RPS6KA2: variants seen among roughly 807,000 people sequenced by gnomAD.
RPS6KA2 encodes ribosomal protein S6 kinase A2.
A neutral mutation model predicts 91.8 loss-of-function variants in RPS6KA2; 42 were observed. That is an observed-to-expected ratio of 0.46 (90% CI 0.36 to 0.59). The LOEUF is 0.59. RPS6KA2 is among the 20% of genes least tolerant of loss of function. The pLI, the probability that RPS6KA2 is intolerant of heterozygous loss-of-function variation, is 0.00. For missense variants in RPS6KA2, 798 were observed against 978.5 expected, an observed-to-expected ratio of 0.82 and a Z score of 2.46; for synonymous variants, 414 against 393.6, an observed-to-expected ratio of 1.05 and a Z score of -0.61.
chr6:166,468,234 G>A lies in RPS6KA2; in HGVS notation c.972+1607C>T, dbSNP rs150862668. On this transcript the variant is annotated intron_variant, in intron 11 of 20. Transcript: ENST00000265678. ...CTAAATTTTCAGGGAAGCTAAGTAA[G>A]AGACTCCAAAGGGAGGCCTTGGTTT... 9.7e-3 allele frequency among the ~76,000 whole-genome samples: 1,478 copies of A among 152,368 alleles called. 15 individuals are homozygous for A. Among genetic ancestry groups the A allele is most frequent in the Non-Finnish European group, 0.015 (1,050 of 68,040 alleles).
upstream of RPS6KA2, among the ~76,000 whole-genome samples, chr6:166,629,015 G>A (rs931339098): frequency 3.9e-5 from 6 of 152,232 alleles, no homozygotes; most frequent in African/African-American, 1.4e-4. Flanking sequence ...CTGCTGGGAG[G>A]GTAGTAATCT....
intron 17 of RPS6KA2, among the ~76,000 whole-genome samples, chr6:166,420,445 C>T (rs61426732): frequency 0.019 from 2,852 of 152,238 alleles, 88 homozygotes; most frequent in African/African-American, 0.064. Flanking sequence ...TTCTACTGTC[C>T]GTCTGTGTGA....
At chr6:166,461,494 G>C (rs545505517) in intron 11 of RPS6KA2, among the ~76,000 whole-genome samples, 131 of 133,762 alleles carry the variant, frequency 9.8e-4, no homozygotes, top group Admixed American at 1.8e-3. Context: ...GCGAGGGAGA[G>C]AGGTGGAGAG....
intron 2 of RPS6KA2, among the ~76,000 whole-genome samples, chr6:166,535,170 G>A (rs1408374073): frequency 1.3e-5 from 2 of 152,180 alleles, no homozygotes; most frequent in East Asian, 1.9e-4. Context: ...GCAGCTTGGC[G>A]TGCTGCATTG....
At position 166,657,899 on chromosome 6, in the gene RPS6KA2, T is replaced by C. The variant is rs140352422; in HGVS notation, c.124-119115A>G. On this transcript the variant is annotated intron_variant, in intron 2 of 21. Coordinates refer to the RPS6KA2 transcript ENST00000503859. ...GGAGGAATTCACTTTTCTTTCTTTT[T>C]TTGAGACGGAGTCTCACCCTGTCAC... is the stretch of plus-strand genomic sequence containing the variant. 1.1e-3 allele frequency among the ~76,000 whole-genome samples: 172 copies of C among 152,320 alleles called. 1 individual carries two copies. In the Middle Eastern group the frequency reaches 0.02, roughly 18 times the overall value.
intron 3 of RPS6KA2, among the ~76,000 whole-genome samples, chr6:166,520,338 G>C (rs1782810983): frequency 1.3e-5 from 2 of 152,082 alleles, no homozygotes; most frequent in South Asian, 4.1e-4. Context: ...CTGGTTCTTG[G>C]GACTTTGAAT....
intron 5 of RPS6KA2, among the ~76,000 whole-genome samples, chr6:166,507,591 C>A: frequency 6.6e-6 from 1 of 151,000 alleles, no homozygotes; most frequent in Non-Finnish European, 1.5e-5. Context: ...ACACACCCTG[C>A]ATATGCACAC....
intron 1 of RPS6KA2, among the ~76,000 whole-genome samples, chr6:166,587,263 G>A (rs1785207306): frequency 6.6e-6 from 1 of 152,238 alleles, no homozygotes; most frequent in South Asian, 2.1e-4. Context: ...GGCTTGGTTG[G>A]ACACTGGCAT....
rs1044142219 is a variant in RPS6KA2 at position 166,557,258 on chromosome 6, C to T, written c.100-18474G>A. On this transcript the variant is annotated intron_variant, in intron 1 of 20. Transcript: ENST00000265678. This position sits in a 1 kb window ranked among gnomAD's most constrained non-coding sequence, Gnocchi z 4.8. ...TGAGTGCGCAGAGGGTAGCTCCTGC[C>T]GGGGTGAGGACCGTGGGCGCGGAGC... Among the ~76,000 whole-genome samples the T allele has an allele frequency of 2.6e-5, 4 of 152,224 alleles. No individual in the cohort carries two copies. The highest frequency in any genetic ancestry group is 1.9e-4 in the East Asian group (1 of 5,202).
intron 2 of RPS6KA2, among the ~76,000 whole-genome samples, chr6:166,643,212 C>T (rs915091930): frequency 6.6e-6 from 1 of 152,028 alleles, no homozygotes; most frequent in Admixed American, 6.6e-5. Flanking sequence ...AATCCTAGAC[C>T]ATATACAATC....
intron 1 of RPS6KA2, among the ~76,000 whole-genome samples, chr6:166,615,679 G>C (rs1030261441): frequency 6.6e-6 from 1 of 152,218 alleles, no homozygotes; most frequent in East Asian, 1.9e-4. Context: ...CTGGGTGCAG[G>C]TGCTGGAATG....
At chr6:166,583,387 C>T (rs1175334233) in intron 1 of RPS6KA2, among the ~76,000 whole-genome samples, 1 of 152,194 alleles carries the variant, frequency 6.6e-6, no homozygotes, top group African/African-American at 2.4e-5. Flanking sequence ...CACTTTGCCT[C>T]CTGTGAGTCT....
intron 19 of RPS6KA2, among the ~76,000 whole-genome samples, chr6:166,415,041 G>C (rs1186715335): frequency 6.6e-6 from 1 of 152,108 alleles, no homozygotes; most frequent in Non-Finnish European, 1.5e-5. Flanking sequence ...CTCCAGAGTG[G>C]GTTACATGGC....
At chr6:166,618,658 T>C (rs1229078494) in intron 1 of RPS6KA2, among the ~76,000 whole-genome samples, 1 of 152,208 alleles carries the variant, frequency 6.6e-6, no homozygotes, top group Admixed American at 6.5e-5. Context: ...ATAACTCCCA[T>C]GGCAATTCGG....
chr6:166,520,148 A>C (rs754462758), intron 3 of RPS6KA2, among the ~76,000 whole-genome samples: 2 of 152,140 alleles, frequency 1.3e-5, no homozygotes, highest in Non-Finnish European at 2.9e-5. Context: ...TTGGACTGAG[A>C]CTTAAACCAT....
chr6:166,617,779 T>C (rs1427138107), intron 1 of RPS6KA2, among the ~76,000 whole-genome samples: 2 of 152,228 alleles, frequency 1.3e-5, no homozygotes, highest in African/African-American at 4.8e-5. Context: ...ACATGGAGAA[T>C]GGCCACGCAT....
intron 1 of RPS6KA2, among the ~76,000 whole-genome samples, chr6:166,613,416 C>G (rs1042270610): frequency 2.6e-5 from 4 of 152,202 alleles, no homozygotes. Flanking sequence ...AACACGTCAC[C>G]GAAGGAGTCT....
At chr6:166,618,840 C>A (rs150175737) in intron 1 of RPS6KA2, among the ~76,000 whole-genome samples, 2 of 152,354 alleles carry the variant, frequency 1.3e-5, no homozygotes, top group Non-Finnish European at 2.9e-5. Context: ...TGAGCCTTGA[C>A]ACCGCAGTAC....
intron 2 of RPS6KA2, among the ~76,000 whole-genome samples, chr6:166,707,002 T>A (rs185671466): frequency 6.6e-6 from 1 of 152,276 alleles, no homozygotes. Context: ...TAAGTTCAAT[T>A]TAGGAGTGAA....
Sources: allele counts gnomAD v4.1 joint callset (sites outside exome capture counted in the v4.1 genomes callset), GRCh38; gene constraint gnomAD v4.1.1; non-coding constraint Gnocchi (gnomAD v3.1); transcripts MANE v1.5; gene names NCBI Gene and HGNC (gene_info 2026-07-23, HGNC 2026-07-21).